The following ZC3H7A variants were observed in gnomAD, a reference collection of about 807,000 sequenced individuals.
ZC3H7A encodes the protein zinc finger CCCH-type containing 7A.
ZC3H7A carries 44 observed loss-of-function variants against 125.5 expected under a neutral mutation model. The ratio of observed to expected loss-of-function variants is 0.35; its 90% CI spans 0.28 to 0.45. The LOEUF (loss-of-function observed/expected upper bound fraction) is 0.45, where lower values mean the gene tolerates loss of function less well. Ranked by LOEUF, ZC3H7A falls within the 20% of genes least tolerant of loss-of-function variation. The pLI, the probability that ZC3H7A is intolerant of heterozygous loss-of-function variation, is 1.00. For missense variants in ZC3H7A, 977 were observed against 1,170.7 expected, an observed-to-expected ratio of 0.83 and a Z score of 2.41; for synonymous variants, 399 against 391.2, an observed-to-expected ratio of 1.02 and a Z score of -0.23.
intron 1 of ZC3H7A, among the ~76,000 whole-genome samples, chr16:11,792,573 ATAGTAGCT>A (rs2053371469): frequency 6.6e-6 from 1 of 152,248 alleles, no homozygotes; most frequent in African/African-American, 2.4e-5. Context: ...TGAGACAGAA[ATAGTAGCT>A]CTTACTGGAC....
At chr16:11,775,358 G>A (rs113139817) in intron 7 of ZC3H7A, among the ~76,000 whole-genome samples, 3,292 of 149,756 alleles carry the variant, frequency 0.022, 46 homozygotes, top group African/African-American at 0.032. Context: ...GTGACAGAGC[G>A]AGACTCTGTC....
chr16:11,765,062 T>G lies in ZC3H7A; in HGVS notation c.1811A>C (p.Glu604Ala), dbSNP rs1421034934. The change falls in exon 15 of 23, where the codon GAA becomes GCA. Residue 604 changes from glutamate to alanine, a missense_variant. Transcript: ENST00000355758. The surrounding 1 kb of genome is among the most constrained non-coding windows in gnomAD (Gnocchi z 4.8). ...GAAACTATCAACATACTTATTGTCT[T>G]CAAACTCATGCTTTGTAACCGGGTG... is the stretch of plus-strand genomic sequence containing the variant. The part of the protein sequence containing the change: ...CSHPVTKHEF[E>A]DNKCLVHILR... 1.3e-6 allele frequency: 2 copies of G among 1,572,388 alleles called. No individual in the cohort carries two copies. Among genetic ancestry groups the G allele is most frequent in the East Asian group, 4.7e-5 (2 of 42,794 alleles).
intron 4 of ZC3H7A, among the ~76,000 whole-genome samples, chr16:11,778,203 G>A (rs1218853923): frequency 1.3e-5 from 2 of 152,038 alleles, no homozygotes; most frequent in Non-Finnish European, 2.9e-5. Flanking sequence ...TTGGGAGGCT[G>A]AGGCGGGCAG....
chr16:11,752,898 G>C (rs557505718), intron 21 of ZC3H7A, 66 bp from the exon 22 acceptor site: 8 of 1,558,392 alleles, frequency 5.1e-6, no homozygotes, highest in Non-Finnish European at 5.2e-6. Flanking sequence ...CAATTCCAGG[G>C]AGCCCAGGCT....
At chr16:11,791,669 TGAA>T (rs1451113663) in intron 1 of ZC3H7A, among the ~76,000 whole-genome samples, 5 of 151,970 alleles carry the variant, frequency 3.3e-5, no homozygotes, top group African/African-American at 4.8e-5. Flanking sequence ...GAAGCAAGCG[TGAA>T]GAAGGAGGGT....
At chr16:11,776,654 G>A in intron 5 of ZC3H7A, 97 bp downstream of exon 5, 1 of 1,506,624 alleles carries the variant, frequency 6.6e-7, no homozygotes. Flanking sequence ...CCCAACTGAA[G>A]CAGGTTGATG....
At position 11,782,350 on chromosome 16, in the gene ZC3H7A, G is replaced by C; in HGVS notation, c.5C>G (p.Ser2Cys). 1 of 1,614,056 alleles carries C rather than the reference G, an allele frequency of 6.2e-7. No homozygotes were observed. Among genetic ancestry groups the C allele is most frequent in the Non-Finnish European group, 8.5e-7 (1 of 1,180,026 alleles). ...TTTTCTTCTCTCCTCGGACACATTGGACATGTTATCCCACACATCCACTTT... is the reference window on the plus strand; with the variant it reads ...TTTTCTTCTCTCCTCGGACACATTGCACATGTTATCCCACACATCCACTTT... MSNVSEERRKRQ... is the reference protein window; with the variant it reads MCNVSEERRKRQ... Residue 2 changes from serine to cysteine, a missense_variant, in exon 2 of 23, where the codon TCC (serine) becomes TGC (cysteine). Physicochemically the swap from Ser to Cys is moderately radical, Grantham distance 112 (BLOSUM62 -1). Coordinates refer to ENST00000355758, the MANE Select transcript of ZC3H7A (RefSeq NM_014153.4).
At chr16:11,778,153 C>T (rs1438294919) in intron 4 of ZC3H7A, among the ~76,000 whole-genome samples, 2 of 149,624 alleles carry the variant, frequency 1.3e-5, no homozygotes, top group East Asian at 2.0e-4. Context: ...TAAAAAAACA[C>T]TCGCCAGGCA....
intron 1 of ZC3H7A, among the ~76,000 whole-genome samples, chr16:11,786,882 TCTTA>T (rs1451400050): frequency 6.6e-6 from 1 of 152,200 alleles, no homozygotes; most frequent in Non-Finnish European, 1.5e-5. Flanking sequence ...CATCAGTCCG[TCTTA>T]CTGTTTTAAT....
chr16:11,758,778 A>G (rs1221265277), intron 19 of ZC3H7A: 2 of 424,826 alleles, frequency 4.7e-6, no homozygotes, highest in African/African-American at 4.2e-5. Context: ...AAAGCATGGA[A>G]CATTTTCTTA....
At chr16:11,757,690 G>GGTGCGCAAGGGCAT (rs1397721553) in intron 20 of ZC3H7A, among the ~76,000 whole-genome samples, 1 of 152,032 alleles carries the variant, frequency 6.6e-6, no homozygotes, top group African/African-American at 2.4e-5. Flanking sequence ...GCAAAAGCCT[G>GGTGCGCAAGGGCAT]GTGCGCAAGG....
chr16:11,779,112 CA>C, intron 4 of ZC3H7A, 53 bp downstream of exon 4: 1 of 1,392,178 alleles, frequency 7.2e-7, no homozygotes, highest in Non-Finnish European at 9.9e-7. Context: ...TGTACTAAGT[CA>C]TTGAAAAAAT....
chr16:11,761,696 T>C, intron 18 of ZC3H7A, 185 bp from the exon 19 acceptor site: 2 of 840,650 alleles, frequency 2.4e-6, no homozygotes, highest in East Asian at 5.4e-5. Flanking sequence ...CTACAAACTC[T>C]AAACAAATTG....
At chr16:11,779,467 G>T (rs773969829) in intron 3 of ZC3H7A, 104 bp from the exon 4 acceptor site, 7 of 972,208 alleles carry the variant, frequency 7.2e-6, no homozygotes, top group Admixed American at 2.7e-5. Flanking sequence ...CAATGTGACA[G>T]AACAGCAGCA....
intron 3 of ZC3H7A, among the ~76,000 whole-genome samples, chr16:11,779,916 T>C (rs1264275658): frequency 1.3e-5 from 2 of 152,092 alleles, no homozygotes; most frequent in Admixed American, 1.3e-4. Flanking sequence ...TGCATGTCTT[T>C]ACCAGTGAAG....
Position 11,774,467 on chromosome 16 carries a change from G to C in ZC3H7A, c.672C>G (p.Pro224=). 6.3e-7 allele frequency: 1 copy of C among 1,587,104 alleles called. No individual in the cohort carries two copies. The change falls in exon 9 of 23, where the codon CCC becomes CCG. Residue 224 remains proline (P), a synonymous_variant. Transcript: ENST00000355758. The part of the protein sequence containing the change: ...EAVPVVSLPA[P]SFSHEVGSEL... ...CACTTCCAACTTCATGAGAAAAACT[G>C]GGTGCCGGTAAAGAGACAACAGGAA...
chr16:11,788,299 G>A (rs982189998), intron 1 of ZC3H7A, among the ~76,000 whole-genome samples: 1 of 151,924 alleles, frequency 6.6e-6, no homozygotes, highest in Non-Finnish European at 1.5e-5. Flanking sequence ...CCACTCTTGA[G>A]ATCTCCCCGA....
intron 3 of ZC3H7A, among the ~76,000 whole-genome samples, chr16:11,780,786 G>A (rs1483125594): frequency 6.6e-6 from 1 of 152,128 alleles, no homozygotes; most frequent in Non-Finnish European, 1.5e-5. Context: ...AAAAACACAG[G>A]TGAACCAATA....
At chr16:11,754,893 C>CAAAAA (rs35345665) in intron 21 of ZC3H7A, among the ~76,000 whole-genome samples, 13 of 68,856 alleles carry the variant, frequency 1.9e-4, no homozygotes, top group Non-Finnish European at 2.9e-4. Flanking sequence ...CTCCGTCTCA[C>CAAAAA]AAAAAAAAAA....
Sources: allele counts gnomAD v4.1 joint callset (sites outside exome capture counted in the v4.1 genomes callset), GRCh38; gene constraint gnomAD v4.1.1; non-coding constraint Gnocchi (gnomAD v3.1); transcripts MANE v1.5; gene names NCBI Gene and HGNC (gene_info 2026-07-23, HGNC 2026-07-21).